The following ROR1 variants were observed in gnomAD, a reference collection of about 807,000 sequenced individuals.
ROR1 encodes the protein inactive tyrosine-protein kinase transmembrane receptor ROR1.
In ROR1, 19 loss-of-function variants were observed where a neutral mutation model predicts 78.8. The ratio of observed to expected loss-of-function variants is 0.24; its 90% CI spans 0.17 to 0.35. The LOEUF is 0.35. Ranked by LOEUF, ROR1 falls within the 10% of genes least tolerant of loss-of-function variation. The pLI is 1.00. For missense variants in ROR1, 917 were observed against 1,177.8 expected (o/e 0.78, Z 3.24); for synonymous variants, 386 against 433.6 (o/e 0.89, Z 1.36).
chr1:63,913,568 A>G (rs1645587138), intron 1 of ROR1, among the ~76,000 whole-genome samples: 1 of 152,172 alleles, frequency 6.6e-6, no homozygotes, highest in African/African-American at 2.4e-5. Context: ...TTGAGCAACT[A>G]TTCATCAACC....
chr1:63,794,379 C>T (rs1173399002), intron 1 of ROR1, among the ~76,000 whole-genome samples: 1 of 152,166 alleles, frequency 6.6e-6, no homozygotes, highest in East Asian at 1.9e-4. Flanking sequence ...GGTGAGGAAC[C>T]CGAGGCCCAC....
intron 2 of ROR1, among the ~76,000 whole-genome samples, chr1:64,041,065 T>C (rs752295298): frequency 1.2e-4 from 18 of 152,156 alleles, no homozygotes; most frequent in Admixed American, 6.5e-4. Context: ...AAAATGCAGA[T>C]TGGCAGTAGG....
chr1:64,084,370 A>G (rs12409562), intron 4 of ROR1, among the ~76,000 whole-genome samples: 49,878 of 152,154 alleles, frequency 0.33, 10,024 homozygotes, highest in East Asian at 0.6. Flanking sequence ...ACAGCTATCA[A>G]GGAAACTTTA....
chr1:63,790,337 A>C (rs1644718161), intron 1 of ROR1, among the ~76,000 whole-genome samples: 1 of 152,176 alleles, frequency 6.6e-6, no homozygotes, highest in South Asian at 2.1e-4. Flanking sequence ...ACTATCTAGG[A>C]ATTTAAAAAC....
intron 1 of ROR1, among the ~76,000 whole-genome samples, chr1:63,895,068 A>T (rs1645428796): frequency 6.6e-6 from 1 of 152,190 alleles, no homozygotes; most frequent in Admixed American, 6.5e-5. Flanking sequence ...AAGTTATGGC[A>T]TGCTTGTGTT....
At chr1:64,128,804 G>T (rs1040217079) in intron 4 of ROR1, among the ~76,000 whole-genome samples, 1 of 152,088 alleles carries the variant, frequency 6.6e-6, no homozygotes, top group African/African-American at 2.4e-5. Context: ...TCAAGTAAGT[G>T]TCGGGGGGAA....
At chr1:63,989,171 T>G (rs969272264) in intron 1 of ROR1, among the ~76,000 whole-genome samples, 95 of 151,446 alleles carry the variant, frequency 6.3e-4, no homozygotes, top group African/African-American at 2.0e-3. Context: ...TGTTTTTGTT[T>G]TTTTTTTTTT....
At chr1:63,824,659 T>C (rs1299119615) in intron 1 of ROR1, among the ~76,000 whole-genome samples, 2 of 152,210 alleles carry the variant, frequency 1.3e-5, no homozygotes, top group African/African-American at 4.8e-5. Flanking sequence ...AGCTGAGGCT[T>C]GGATATGTAT....
At chr1:64,120,683 A>C (rs1402076988) in intron 4 of ROR1, among the ~76,000 whole-genome samples, 1 of 152,068 alleles carries the variant, frequency 6.6e-6, no homozygotes, top group African/African-American at 2.4e-5. Flanking sequence ...TCCTTGACCC[A>C]GCAACACTCA....
chr1:64,087,632 G>C (rs1301612203), intron 4 of ROR1, among the ~76,000 whole-genome samples: 1 of 152,210 alleles, frequency 6.6e-6, no homozygotes, highest in African/African-American at 2.4e-5. Flanking sequence ...ATAAGCAGTA[G>C]TGTTAATATA....
chr1:63,785,671 G>A (rs1182068943), intron 1 of ROR1, among the ~76,000 whole-genome samples: 5 of 151,724 alleles, frequency 3.3e-5, no homozygotes, highest in Admixed American at 6.6e-5. Context: ...GATTACAGGC[G>A]CCTGCCACCA....
rs142012123 is a variant in ROR1, at chr1:63,802,867, A to G, written c.91+28359A>G. On this transcript the variant is annotated intron_variant, in intron 1 of 8. Coordinates refer to ENST00000371079, the MANE Select transcript of ROR1 (RefSeq NM_005012.4). ...AATTTGAGCCACATATGTAGTTTGAAATTTTCCTTTGGGCACATTACAAAA... is the reference window on the plus strand; with the variant it reads ...AATTTGAGCCACATATGTAGTTTGAGATTTTCCTTTGGGCACATTACAAAA... Among the ~76,000 whole-genome samples, 860 of 152,324 alleles carry G rather than the reference A, an allele frequency of 5.6e-3. 8 individuals are homozygous for G. Among genetic ancestry groups the G allele is most frequent in the African/African-American group, 0.018 (765 of 41,558 alleles).
At chr1:63,926,110 A>G (rs1416576938) in intron 1 of ROR1, among the ~76,000 whole-genome samples, 1 of 152,072 alleles carries the variant, frequency 6.6e-6, no homozygotes, top group Non-Finnish European at 1.5e-5. Flanking sequence ...CCTGAATGGT[A>G]ATGCCTAGGT....
chr1:63,896,615 G>C (rs888139463), intron 1 of ROR1, among the ~76,000 whole-genome samples: 1 of 152,128 alleles, frequency 6.6e-6, no homozygotes, highest in Non-Finnish European at 1.5e-5. Flanking sequence ...TATTGGCGAA[G>C]CACCGGAAAT....
chr1:63,929,249 A>G (rs1226958756), intron 1 of ROR1, among the ~76,000 whole-genome samples: 1 of 152,204 alleles, frequency 6.6e-6, no homozygotes. Context: ...TGCTGGTGTG[A>G]TAAGTCATGA....
intron 1 of ROR1, among the ~76,000 whole-genome samples, chr1:63,850,815 A>G (rs1054230896): frequency 2.0e-5 from 3 of 152,190 alleles, no homozygotes; most frequent in African/African-American, 7.2e-5. Flanking sequence ...TTGAAGAGAC[A>G]AAGTCCAAAC....
intron 1 of ROR1, chr1:63,789,086 G>T: frequency 3.2e-6 from 2 of 616,612 alleles, no homozygotes; most frequent in South Asian, 1.4e-5. Flanking sequence ...CCATGTGCCT[G>T]CCCTTCCGGT....
intron 7 of ROR1, among the ~76,000 whole-genome samples, chr1:64,151,703 T>C (rs1214055664): frequency 1.8e-5 from 2 of 108,316 alleles, no homozygotes; most frequent in Non-Finnish European, 3.8e-5. Flanking sequence ...TGAAACCCCA[T>C]CTCTACTAAA....
chr1:63,790,443 G>A (rs1424885432), intron 1 of ROR1, among the ~76,000 whole-genome samples: 1 of 152,228 alleles, frequency 6.6e-6, no homozygotes, highest in Non-Finnish European at 1.5e-5. Flanking sequence ...GACACCTGCT[G>A]TGAGTTCTGT....
Sources: gnomAD v4.1 joint callset for allele counts (sites outside exome capture counted in the v4.1 genomes callset) on GRCh38, gnomAD v4.1.1 for gene constraint, MANE v1.5 for transcripts, NCBI Gene and HGNC (gene_info 2026-07-23, HGNC 2026-07-21) for gene names.